Variants in CEP104 observed in about 807,000 individuals in gnomAD.
CEP104 encodes centrosomal protein of 104 kDa.
A neutral mutation model predicts 113.3 loss-of-function variants in CEP104; 84 were observed. The ratio of observed to expected loss-of-function variants is 0.74; its 90% CI spans 0.62 to 0.89. CEP104 has a LOEUF of 0.89. Among genes scored for constraint, CEP104 ranks in the 40% least tolerant of loss-of-function variants. The pLI is 0.00. For synonymous variants in CEP104, 378 were observed against 421.7 expected (o/e 0.90, Z 1.27); for missense variants, 1,053 against 1,156.6 (o/e 0.91, Z 1.30).
chr1:3,857,106 T>G lies in CEP104; in HGVS notation c.-232A>C, dbSNP rs1400131011. On this transcript the variant is annotated 5_prime_UTR_variant, in exon 1 of 22. Coordinates refer to ENST00000378230, the MANE Select transcript of CEP104 (RefSeq NM_014704.4). Reference sequence around the variant, plus strand: ...CCCCTTCCGCCGCCCCAGGCCGCCTTGCACCCCAAGCTGCTGCGGCAGTGA... The same window carrying G: ...CCCCTTCCGCCGCCCCAGGCCGCCTGGCACCCCAAGCTGCTGCGGCAGTGA... 2.0e-5 allele frequency: 3 copies of G among 152,278 alleles called. No individual in the cohort carries two copies. The highest frequency in any genetic ancestry group is 4.4e-5 in the Non-Finnish European group (3 of 68,154). The allele number at this position is 152,278 out of a possible 1,614,324, so 9.4% of individuals were successfully genotyped here.
intron 15 of CEP104, among the ~76,000 whole-genome samples, chr1:3,827,679 AC>A (rs1363847390): frequency 2.0e-5 from 3 of 152,228 alleles, no homozygotes; most frequent in Non-Finnish European, 4.4e-5. Flanking sequence ...TTTTACCCCA[AC>A]AAAAAAAGAG....
rs895535502 is a variant in CEP104, at chr1:3,829,616, A to C, written c.2043+175T>G. The C allele has an allele frequency of 1.1e-5, 8 of 725,562 alleles. No homozygotes were observed. The Admixed American group carries it at 2.1e-4, about 19-fold the overall frequency. 44.9% of individuals were successfully genotyped at this position (725,562 alleles called of 1,614,324 possible). A position where few individuals can be genotyped will look rare whatever the true frequency, so the allele number is the denominator to read the frequency against. ...GGGAACCTAAGGGTCTCACTGGCAG[A>C]AAGTGGAGCAGCCGGGATCTGAATG... On this transcript the variant is annotated intron_variant, in intron 14 of 21. Transcript: ENST00000378230.
At position 3,815,446 on chromosome 1, in the gene CEP104, C is replaced by T. The variant is rs371857904; in HGVS notation, c.2734G>A (p.Gly912Ser). 1.9e-6 allele frequency: 3 copies of T among 1,613,304 alleles called. No individual in the cohort carries two copies. The African/African-American group carries it at 4.0e-5, about 22-fold the overall frequency. The change falls in exon 22 of 22, where the codon GGC becomes AGC. Residue 912 changes from glycine to serine, a missense_variant. Gly to Ser is a moderately conservative substitution (Grantham distance 56, BLOSUM62 0). Coordinates refer to ENST00000378230, the MANE Select transcript of CEP104 (RefSeq NM_014704.4). Reference sequence around the variant, plus strand: ...CTGCTGGAGCTCTTGCTCAGTCCGCCCTTCGGGGTGGGGATCTTGCTTCCG... The same window carrying T: ...CTGCTGGAGCTCTTGCTCAGTCCGCTCTTCGGGGTGGGGATCTTGCTTCCG... Reference protein sequence around the residue: ...KAGSKIPTPKGGLSKSSSRTY... With the variant: ...KAGSKIPTPKSGLSKSSSRTY...
chr1:3,839,806 TAATTTCACGCC>T, intron 6 of CEP104, 30 bp from the exon 7 acceptor site: 1 of 1,585,416 alleles, frequency 6.3e-7, no homozygotes, highest in Non-Finnish European at 8.6e-7. Context: ...ATTTTAGAGA[TAATTTCACGCC>T]CTAGGAGTTC....
Position 3,836,675 on chromosome 1 carries a change from G to A in CEP104, c.1137C>T (p.Tyr379=), listed in dbSNP as rs556932818. 8 of 1,613,568 alleles carry A rather than the reference G, an allele frequency of 5.0e-6. No homozygotes were observed. Among genetic ancestry groups the A allele is most frequent in the East Asian group, 4.5e-5 (2 of 44,880 alleles). The stretch of plus-strand genomic sequence containing the variant: ...GAATAGCTGGAAGAGGCCGCTCATC[G>A]TAGGGCAGGGACTCTGCCTGCAGTG... ...HPKINAESLP[Y]DERPLPAIRK... The change falls in exon 10 of 22, where the codon TAC becomes TAT. Residue 379 remains tyrosine, a synonymous_variant. Coordinates refer to ENST00000378230, the MANE Select transcript of CEP104 (RefSeq NM_014704.4).
Position 3,832,987 on chromosome 1 carries a change from CT to C in CEP104, c.1659+874del, listed in dbSNP as rs70940330. 7.7e-3 allele frequency among the ~76,000 whole-genome samples: 1,079 copies of C among 140,206 alleles called. 11 individuals carry two copies. Among genetic ancestry groups the C allele is most frequent in the African/African-American group, 0.02 (763 of 37,938 alleles). The allele number at this position is 140,206 out of a possible 152,430, so 92.0% of individuals were successfully genotyped here. The stretch of plus-strand genomic sequence containing the variant: ...TGAGCCACCCCGCCTGGCCTGGATT[CT>C]TTTTTTTTTTTTTTTAAGATGGAGT... On this transcript the variant is annotated intron_variant, in intron 12 of 21. Coordinates refer to ENST00000378230, the MANE Select transcript of CEP104 (RefSeq NM_014704.4).
chr1:3,823,254 T>TA lies in CEP104; in HGVS notation c.2504-14dup, dbSNP rs1326199897. The TA allele has an allele frequency of 2.5e-6, 4 of 1,614,150 alleles. No homozygotes were observed. In the Admixed American group the frequency reaches 6.7e-5, roughly 27 times the overall value. Reference sequence around the variant, plus strand: ...TCCGGTTTGGCAGCTGAAATGATTTTAAAAAGACTCAGTCGCTCCCTGAAT... The same window carrying TA: ...TCCGGTTTGGCAGCTGAAATGATTTTAAAAAAGACTCAGTCGCTCCCTGAAT... On this transcript the variant is annotated splice_polypyrimidine_tract_variant and intron_variant, in intron 19 of 21. Transcript: ENST00000378230. The surrounding 1 kb of genome is among the most constrained non-coding windows in gnomAD (Gnocchi z 4.1).
rs1278017775 is a variant in CEP104, at chr1:3,835,035, A to G, written c.1375T>C (p.Ser459Pro). Reference protein sequence around the residue: ...SYREDALLALSKKLMEMPVGT... With the variant: ...SYREDALLALPKKLMEMPVGT... ...ACAGGCATTTCCATTAACTTCTTAG[A>G]CAAGGCAAGCAGTGCATCCTCTCGG... The change falls in exon 11 of 22, where the codon TCT (serine) becomes CCT (proline). Residue 459 changes from serine (S) to proline (P), a missense_variant. Ser to Pro is a moderately conservative substitution (Grantham distance 74). Coordinates refer to ENST00000378230, the MANE Select transcript of CEP104 (RefSeq NM_014704.4). 1.2e-6 allele frequency: 2 copies of G among 1,614,026 alleles called. No individual in the cohort carries two copies. Among genetic ancestry groups the G allele is most frequent in the South Asian group, 2.2e-5 (2 of 91,042 alleles).
chr1:3,825,251 C>T (rs1644067612), intron 18 of CEP104, among the ~76,000 whole-genome samples: 1 of 152,190 alleles, frequency 6.6e-6, no homozygotes, highest in African/African-American at 2.4e-5. Flanking sequence ...CATCAGCACA[C>T]CTGGCAATCC....
chr1:3,839,200 C>T (rs1049622195), intron 7 of CEP104, 81 bp from the exon 8 acceptor site: 43 of 1,259,268 alleles, frequency 3.4e-5, no homozygotes, highest in Admixed American at 8.6e-5. Context: ...AAGAATCACG[C>T]GTGAACCGTC....
Position 3,816,950 on chromosome 1 carries a change from C to T in CEP104, c.2572-580G>A, listed in dbSNP as rs1301685326. Among the ~76,000 whole-genome samples, 3 of 152,252 alleles carry T rather than the reference C, an allele frequency of 2.0e-5. No homozygotes were observed. In the East Asian group the frequency reaches 5.8e-4, roughly 29 times the overall value. On this transcript the variant is annotated intron_variant, in intron 20 of 21. Transcript: ENST00000378230. ...ATGGGGACAGGGAGCTCATCTCGTC[C>T]TCCTGTTGGATATAAACGCGGGATC...
intron 4 of CEP104, among the ~76,000 whole-genome samples, chr1:3,846,634 T>C (rs775244124): frequency 5.3e-5 from 8 of 151,728 alleles, no homozygotes; most frequent in Non-Finnish European, 1.0e-4. Flanking sequence ...TGCAGGTGGG[T>C]GGAGGAAGGA....
At chr1:3,822,565 G>C (rs60128072) in intron 20 of CEP104, among the ~76,000 whole-genome samples, 1 of 152,172 alleles carries the variant, frequency 6.6e-6, no homozygotes, top group South Asian at 2.1e-4. Context: ...AGAGGGCACC[G>C]CCAGCCCATC....
At chr1:3,816,017 G>A (rs984119508) in intron 21 of CEP104, 19 of 431,236 alleles carry the variant, frequency 4.4e-5, no homozygotes, top group African/African-American at 2.1e-4. Context: ...TAGAAAGAGC[G>A]GAGGACGGGA....
intron 15 of CEP104, 42 bp downstream of exon 15, chr1:3,829,224 T>C (rs370817774): frequency 1.5e-6 from 2 of 1,349,122 alleles, no homozygotes; most frequent in South Asian, 2.8e-5. Flanking sequence ...AAAATACATT[T>C]CAGCTAAAAG....
intron 1 of CEP104, among the ~76,000 whole-genome samples, chr1:3,853,707 T>C (rs937563722): frequency 1.3e-5 from 2 of 152,220 alleles, no homozygotes; most frequent in Non-Finnish European, 2.9e-5. Context: ...AGATTCTAGT[T>C]ATTTTTTGCA....
At chr1:3,817,087 T>G (rs565503451) in intron 20 of CEP104, among the ~76,000 whole-genome samples, 11 of 152,222 alleles carry the variant, frequency 7.2e-5, no homozygotes, top group African/African-American at 2.4e-4. Flanking sequence ...TCCCAACACT[T>G]TGGGAGGCAG....
chr1:3,821,698 G>A (rs981363668), intron 20 of CEP104, among the ~76,000 whole-genome samples: 7 of 152,208 alleles, frequency 4.6e-5, no homozygotes, highest in African/African-American at 1.7e-4. Context: ...CACCTGATGA[G>A]GCCCAGAGAT....
chr1:3,817,969 C>T (rs992825504), intron 20 of CEP104, among the ~76,000 whole-genome samples: 6 of 152,234 alleles, frequency 3.9e-5, no homozygotes, highest in East Asian at 1.9e-4. Flanking sequence ...AATCAGTCTC[C>T]GGCTGCGGAC....
Sources: gnomAD v4.1 joint callset for allele counts (sites outside exome capture counted in the v4.1 genomes callset) on GRCh38, gnomAD v4.1.1 for gene constraint, Gnocchi (gnomAD v3.1) non-coding constraint, MANE v1.5 for transcripts, NCBI Gene and HGNC (gene_info 2026-07-23, HGNC 2026-07-21) for gene names.